The following PSMB1 variants were observed in gnomAD, a reference collection of about 807,000 sequenced individuals.
The protein encoded by PSMB1 is proteasome 20S subunit beta 1.
In PSMB1, 7 loss-of-function variants were observed where a neutral mutation model predicts 25.4. The observed-to-expected ratio is 0.28, with a 90% confidence interval of 0.16 to 0.52. The LOEUF is 0.52. Among genes scored for constraint, PSMB1 ranks in the 20% least tolerant of loss-of-function variants. PSMB1 has a pLI of 0.97. For missense variants in PSMB1, 284 were observed against 302.2 expected, an observed-to-expected ratio of 0.94 and a Z score of 0.45; for synonymous variants, 119 against 115.0, an observed-to-expected ratio of 1.03 and a Z score of -0.22.
In PSMB1 at chr6:170,543,748, AG is replaced by A; in HGVS notation, c.304-19del. The A allele has an allele frequency of 6.2e-7, 1 of 1,601,328 alleles. No individual in the cohort carries two copies. Among genetic ancestry groups the A allele is most frequent in the Non-Finnish European group, 8.5e-7 (1 of 1,173,720 alleles). On this transcript the variant is annotated intron_variant, in intron 3 of 5. Transcript: ENST00000262193. Reference sequence around the variant, plus strand: ...TTATACATCTGCAATTATTGATAAAAGTCACAGGCATGTAGAGGCAGAGGCC... The same window carrying A: ...TTATACATCTGCAATTATTGATAAAATCACAGGCATGTAGAGGCAGAGGCC...
At position 170,549,121 on chromosome 6, in the gene PSMB1, A is replaced by G. The variant is rs752367455; in HGVS notation, c.114-8T>C. On this transcript the variant is annotated splice_region_variant and splice_polypyrimidine_tract_variant and intron_variant, in intron 1 of 5. Transcript: ENST00000262193. ...GCAATTGCCAGTATAGTACTGAGGA[A>G]AAAAGAAAAAAATTAATTCTCCAGG... is the stretch of plus-strand genomic sequence containing the variant. The G allele has an allele frequency of 1.3e-6, 2 of 1,547,920 alleles. No homozygotes were observed. The highest frequency in any genetic ancestry group is 1.1e-5 in the South Asian group (1 of 89,418).
chr6:170,537,421 G>A lies in PSMB1; in HGVS notation c.434-81C>T, dbSNP rs915441686. The A allele has an allele frequency of 1.4e-5, 16 of 1,154,196 alleles. No homozygotes were observed. In the Middle Eastern group the frequency reaches 6.2e-4, roughly 45 times the overall value. The allele number at this position is 1,154,196 out of a possible 1,614,324, so 71.5% of individuals were successfully genotyped here. A position where few individuals can be genotyped will look rare whatever the true frequency, so the allele number is the denominator to read the frequency against. On this transcript the variant is annotated intron_variant, in intron 4 of 5. Coordinates refer to ENST00000262193, the MANE Select transcript of PSMB1 (RefSeq NM_002793.4). ...TCGCAAAAATAAATCAGGTCAAAAC[G>A]TGACACAAAACGGACTATCACCTTG...
chr6:170,552,954 GA>G (rs1160816101), intron 1 of PSMB1, among the ~76,000 whole-genome samples, 175 bp downstream of exon 1: 2 of 152,238 alleles, frequency 1.3e-5, no homozygotes, highest in Non-Finnish European at 2.9e-5. Flanking sequence ...CCTGAAGAGG[GA>G]AACACAGGGC....
chr6:170,538,768 A>C (rs1778725504), intron 4 of PSMB1, among the ~76,000 whole-genome samples: 1 of 152,252 alleles, frequency 6.6e-6, no homozygotes, highest in South Asian at 2.1e-4. Context: ...TCACCTAAGA[A>C]ACTGGGAAGT....
At chr6:170,550,913 G>T (rs995525883) in intron 1 of PSMB1, among the ~76,000 whole-genome samples, 11 of 148,270 alleles carry the variant, frequency 7.4e-5, no homozygotes, top group African/African-American at 2.5e-4. Flanking sequence ...GAGGGGGGGG[G>T]GGGGGGTCAA....
chr6:170,547,711 T>C (rs1465723140), intron 2 of PSMB1, among the ~76,000 whole-genome samples: 1 of 152,084 alleles, frequency 6.6e-6, no homozygotes, highest in African/African-American at 2.4e-5. Context: ...AATATCCAGG[T>C]GCATCAAAGG....
intron 3 of PSMB1, among the ~76,000 whole-genome samples, chr6:170,544,474 A>G (rs1778793107): frequency 6.6e-6 from 1 of 152,242 alleles, no homozygotes; most frequent in African/African-American, 2.4e-5. Flanking sequence ...ACCCACTGGT[A>G]GAGAAACTTC....
chr6:170,551,028 C>G (rs188891282), intron 1 of PSMB1, among the ~76,000 whole-genome samples: 2 of 151,988 alleles, frequency 1.3e-5, no homozygotes, highest in African/African-American at 2.4e-5. Flanking sequence ...ACCTGTAATC[C>G]CAGCTACTCG....
At chr6:170,541,826 G>A (rs1778762132) in intron 4 of PSMB1, among the ~76,000 whole-genome samples, 1 of 152,168 alleles carries the variant, frequency 6.6e-6, no homozygotes, top group East Asian at 1.9e-4. Context: ...CTGAATCTTA[G>A]GTCTGCTGCT....
chr6:170,536,505 T>C (rs1778695457), intron 5 of PSMB1: 1 of 456,290 alleles, frequency 2.2e-6, no homozygotes, highest in African/African-American at 2.0e-5. Flanking sequence ...TGATATGTAC[T>C]GTAGATTGAG....
At chr6:170,550,912 G>T (rs898553630) in intron 1 of PSMB1, among the ~76,000 whole-genome samples, 2 of 148,792 alleles carry the variant, frequency 1.3e-5, no homozygotes, top group African/African-American at 2.5e-5. Context: ...TGAGGGGGGG[G>T]GGGGGGGTCA....
At chr6:170,543,573 A>T in intron 4 of PSMB1, 28 bp downstream of exon 4, 1 of 1,578,674 alleles carries the variant, frequency 6.3e-7, no homozygotes, top group Non-Finnish European at 8.7e-7. Context: ...CCTCCCCCCC[A>T]CCATTTTCCA....
Position 170,539,980 on chromosome 6 carries a change from AAC to A in PSMB1, c.434-2642_434-2641del, listed in dbSNP as rs1778737416. 5.9e-5 allele frequency among the ~76,000 whole-genome samples: 9 copies of A among 152,366 alleles called. 1 individual carries two copies. In the South Asian group the frequency reaches 1.9e-3, roughly 32 times the overall value. ...AATACATAATGTATAGTTACAGAAA[AAC>A]AGATACCAAAGTCCTACTTACATAA... On this transcript the variant is annotated intron_variant, in intron 4 of 5. Coordinates refer to ENST00000262193, the MANE Select transcript of PSMB1 (RefSeq NM_002793.4).
chr6:170,546,088 T>C lies in PSMB1; in HGVS notation c.303+15A>G, dbSNP rs17860772. 0.04 allele frequency: 64,364 copies of C among 1,602,358 alleles called. 1,555 individuals carry two copies. Among genetic ancestry groups the C allele is most frequent in the Middle Eastern group, 0.081 (490 of 6,042 alleles). On this transcript the variant is annotated intron_variant, in intron 3 of 5. Transcript: ENST00000262193. ...ATTAATTTAAAATAGTGTAGAAATG[T>C]ACAAAAGCATCTACCTTTAGTCTTG...
At chr6:170,544,497 A>C (rs1778793617) in intron 3 of PSMB1, among the ~76,000 whole-genome samples, 1 of 152,212 alleles carries the variant, frequency 6.6e-6, no homozygotes, top group African/African-American at 2.4e-5. Context: ...AAAAATTATA[A>C]ACATAAAATG....
chr6:170,537,585 G>C (rs757910112), intron 4 of PSMB1, among the ~76,000 whole-genome samples: 1 of 152,132 alleles, frequency 6.6e-6, no homozygotes, highest in African/African-American at 2.4e-5. Context: ...CCCAATCCCC[G>C]TGTTGGTGTG....
chr6:170,537,063 C>G (rs139018698), intron 5 of PSMB1, among the ~76,000 whole-genome samples, 171 bp downstream of exon 5: 3 of 152,044 alleles, frequency 2.0e-5, no homozygotes, highest in African/African-American at 7.2e-5. Context: ...CAGAGAGAGA[C>G]CATGAGGTTT....
chr6:170,543,246 T>C (rs764550361), intron 4 of PSMB1, among the ~76,000 whole-genome samples: 3 of 152,206 alleles, frequency 2.0e-5, no homozygotes. Flanking sequence ...AAGAACTTTT[T>C]TGAAGTGTAT....
chr6:170,550,832 T>C (rs1053283316), intron 1 of PSMB1, among the ~76,000 whole-genome samples: 1 of 143,536 alleles, frequency 7.0e-6, no homozygotes, highest in Non-Finnish European at 1.5e-5. Context: ...ATGGCATAAT[T>C]ATAAGTATTT....
Sources: allele counts gnomAD v4.1 joint callset (sites outside exome capture counted in the v4.1 genomes callset), GRCh38; gene constraint gnomAD v4.1.1; transcripts MANE v1.5; gene names NCBI Gene and HGNC (gene_info 2026-07-23, HGNC 2026-07-21).